SMYD4: variants seen among roughly 807,000 people sequenced by gnomAD.
The protein encoded by SMYD4 is SET and MYND domain containing 4, also known as protein-lysine N-methyltransferase SMYD4.
In SMYD4, 68 loss-of-function variants were observed where a neutral mutation model predicts 72.8. The ratio of observed to expected loss-of-function variants is 0.93; its 90% confidence interval spans 0.77 to 1.14. The LOEUF (loss-of-function observed/expected upper bound fraction) is 1.14, where lower values mean the gene tolerates loss of function less well. Among genes scored for constraint, SMYD4 ranks in the 50% most tolerant of loss-of-function variants. The pLI is 0.00. For synonymous variants in SMYD4, 407 were observed against 388.6 expected (o/e 1.05, Z -0.56); for missense variants, 984 against 1,003.7 (o/e 0.98, Z 0.27).
At chr17:1,782,436 G>C (rs1337911347) in intron 10 of SMYD4, 2 of 146,890 alleles carry the variant, frequency 1.4e-5, no homozygotes, top group Non-Finnish European at 3.0e-5. Flanking sequence ...CTGTGACCGA[G>C]CCACTGTACT....
In SMYD4 at chr17:1,781,308, G is replaced by A; in HGVS notation, c.2393C>T (p.Thr798Ile). The change falls in exon 11 of 11, where the codon ACC (threonine) becomes ATC (isoleucine). Residue 798 changes from threonine (T) to isoleucine (I), a missense_variant. Transcript: ENST00000305513. ...MKSCLLDLPP[T>I]PVGPAL ...ACCCTACAATGCAGGCCCTACAGGG[G>A]TGGGTGGTAAGTCCAACAAACAGGA... is the stretch of plus-strand genomic sequence containing the variant. 1 of 1,613,560 alleles carries A rather than the reference G, an allele frequency of 6.2e-7. No individual in the cohort carries two copies. Among genetic ancestry groups the A allele is most frequent in the Non-Finnish European group, 8.5e-7 (1 of 1,180,032 alleles).
At chr17:1,817,027 A>G (rs2151250031) in intron 2 of SMYD4, among the ~76,000 whole-genome samples, 1 of 145,690 alleles carries the variant, frequency 6.9e-6, no homozygotes, top group Non-Finnish European at 1.5e-5. Flanking sequence ...CTCTCTTGAT[A>G]CTGTCCTTGG....
At chr17:1,793,075 A>G (rs34665863) in intron 5 of SMYD4, among the ~76,000 whole-genome samples, 114,566 of 151,854 alleles carry the variant, frequency 0.75, 44,100 homozygotes, top group Non-Finnish European at 0.81. Flanking sequence ...GCACCACCAC[A>G]CTCAGCTAAT....
intron 2 of SMYD4, among the ~76,000 whole-genome samples, chr17:1,819,843 A>G (rs913642629): frequency 5.3e-5 from 8 of 152,194 alleles, no homozygotes; most frequent in African/African-American, 1.9e-4. Flanking sequence ...GCTGGAGTGC[A>G]GTGGCACGAT....
chr17:1,800,494 C>A lies in SMYD4; in HGVS notation c.900G>T (p.Leu300Phe). 1.2e-6 allele frequency: 2 copies of A among 1,614,170 alleles called. No individual in the cohort carries two copies. Among genetic ancestry groups the A allele is most frequent in the Non-Finnish European group, 1.7e-6 (2 of 1,180,042 alleles). Residue 300 changes from leucine (L) to phenylalanine (F), a missense_variant, in exon 5 of 11, where the codon TTG becomes TTT. Physicochemically the swap from Leu to Phe is conservative, Grantham distance 22. Coordinates refer to ENST00000305513, the MANE Select transcript of SMYD4 (RefSeq NM_052928.3). ...ACGGAACTGTGGCCAAAGTGTGCTT[C>A]AAACATCGGTGACAATAGAGGTCCC... ...TNGDLYCHRC[L>F]KHTLATVPCD... is the part of the protein sequence containing the mutation.
chr17:1,802,510 A>T (rs1295934566), intron 4 of SMYD4, among the ~76,000 whole-genome samples: 1 of 152,178 alleles, frequency 6.6e-6, no homozygotes, highest in African/African-American at 2.4e-5. Context: ...AAAAATAAAG[A>T]AAAAGGAAAA....
rs1307679785 is a variant in SMYD4, at chr17:1,794,053, G to A, written c.1537+5804C>T. 7.9e-3 allele frequency among the ~76,000 whole-genome samples: 370 copies of A among 46,894 alleles called. 3 individuals are homozygous for A. The highest frequency in any genetic ancestry group is 0.01 in the Non-Finnish European group (205 of 19,716). 30.8% of individuals were successfully genotyped at this position (46,894 alleles called of 152,430 possible). A position where few individuals can be genotyped will look rare whatever the true frequency, so the allele number is the denominator to read the frequency against. Reference sequence around the variant, plus strand: ...TATATATATGTATGTATATATATATGTGTGTATATATATGTGTATATATAT... The same window carrying A: ...TATATATATGTATGTATATATATATATGTGTATATATATGTGTATATATAT... On this transcript the variant is annotated intron_variant, in intron 5 of 10. Transcript: ENST00000305513.
intron 6 of SMYD4, 46 bp downstream of exon 6, chr17:1,787,376 T>C (rs566107238): frequency 1.3e-6 from 2 of 1,549,172 alleles, no homozygotes; most frequent in South Asian, 1.2e-5. Flanking sequence ...TCCCCGTCCT[T>C]TTCTGTTGGA....
At chr17:1,825,130 T>C (rs567572140) in intron 2 of SMYD4, among the ~76,000 whole-genome samples, 19 of 152,166 alleles carry the variant, frequency 1.2e-4, no homozygotes, top group African/African-American at 4.3e-4. Flanking sequence ...AACGTGAGAA[T>C]GGAGTAACAT....
At chr17:1,823,109 G>A (rs71359130) in intron 2 of SMYD4, among the ~76,000 whole-genome samples, 1 of 151,352 alleles carries the variant, frequency 6.6e-6, no homozygotes, top group Non-Finnish European at 1.5e-5. Flanking sequence ...GGTGGCTCAC[G>A]CCTGTAATCC....
At chr17:1,812,840 C>T (rs2151246310) in intron 2 of SMYD4, among the ~76,000 whole-genome samples, 1 of 152,092 alleles carries the variant, frequency 6.6e-6, no homozygotes, top group Non-Finnish European at 1.5e-5. Flanking sequence ...TGAGCCACCG[C>T]ACCTGGCCAG....
chr17:1,826,239 T>C (rs1266165960), intron 2 of SMYD4, among the ~76,000 whole-genome samples: 1 of 151,900 alleles, frequency 6.6e-6, no homozygotes, highest in Non-Finnish European at 1.5e-5. Context: ...ATGCCTGCAA[T>C]CCCAGCACTT....
At chr17:1,817,185 G>A (rs558981139) in intron 2 of SMYD4, among the ~76,000 whole-genome samples, 5 of 151,930 alleles carry the variant, frequency 3.3e-5, no homozygotes, top group African/African-American at 9.7e-5. Flanking sequence ...TTACAGGCAC[G>A]CACCACCACG....
chr17:1,787,487 C>T lies in SMYD4; in HGVS notation c.1655G>A (p.Ser552Asn), dbSNP rs746572261. 2 of 1,574,276 alleles carry T rather than the reference C, an allele frequency of 1.3e-6. No homozygotes were observed. The highest frequency in any genetic ancestry group is 8.6e-7 in the Non-Finnish European group (1 of 1,159,786). The stretch of plus-strand genomic sequence containing the variant: ...TGACGCCCGGATGGTGGCGACAGTG[C>T]TAATGAAGGACACGCTGGTGTTGGG... ...CSPNTSVSFI[S>N]TVATIRASQR... The change falls in exon 6 of 11, where the codon AGC (serine) becomes AAC (asparagine). Residue 552 changes from serine (S) to asparagine (N), a missense_variant. Physicochemically the swap from Ser to Asn is conservative, Grantham distance 46 (BLOSUM62 1). Transcript: ENST00000305513.
chr17:1,786,269 G>C (rs1371311091), intron 7 of SMYD4, among the ~76,000 whole-genome samples: 2 of 152,248 alleles, frequency 1.3e-5, no homozygotes, highest in East Asian at 3.8e-4. Context: ...TCGTAAGAGG[G>C]AAGTCTATCT....
rs780174480 is a variant in SMYD4 at position 1,827,234 on chromosome 17, C to T, written c.134+627G>A. 4.0e-5 allele frequency among the ~76,000 whole-genome samples: 6 copies of T among 150,832 alleles called. No homozygotes were observed. The South Asian group carries it at 8.4e-4, about 21-fold the overall frequency. On this transcript the variant is annotated intron_variant, in intron 2 of 10. Transcript: ENST00000305513. ...GTGTGCGACTGTAATCCCAAATACT[C>T]GGGAAGCTGAGATACGAGAATTGCC...
chr17:1,792,702 T>C (rs1909123522), intron 5 of SMYD4, among the ~76,000 whole-genome samples: 1 of 152,096 alleles, frequency 6.6e-6, no homozygotes, highest in African/African-American at 2.4e-5. Context: ...CAAAGGTATC[T>C]GGTTTTAATT....
rs750633106 is a variant in SMYD4, at chr17:1,783,028, G to C, written c.2261+7C>G. The C allele has an allele frequency of 1.9e-6, 3 of 1,613,710 alleles. No individual in the cohort carries two copies. In the African/African-American group the frequency reaches 4.0e-5, roughly 22 times the overall value. On this transcript the variant is annotated splice_region_variant and intron_variant, in intron 10 of 10. Coordinates refer to ENST00000305513, the MANE Select transcript of SMYD4 (RefSeq NM_052928.3). ...TGTGTGCCCTGTGAAGTGGGAAAGG[G>C]ACTCACCCGTTGAAAAAGATCTGGG... is the stretch of plus-strand genomic sequence containing the variant.
intron 3 of SMYD4, among the ~76,000 whole-genome samples, chr17:1,808,251 C>G (rs931081021): frequency 1.3e-5 from 2 of 152,136 alleles, no homozygotes; most frequent in African/African-American, 4.8e-5. Flanking sequence ...AAATCAAGTA[C>G]GGTTTTTTCT....
Sources: allele counts gnomAD v4.1 joint callset (sites outside exome capture counted in the v4.1 genomes callset), GRCh38; gene constraint gnomAD v4.1.1; transcripts MANE v1.5; gene names NCBI Gene and HGNC (gene_info 2026-07-23, HGNC 2026-07-21).